Variants in RNF8 observed in about 807,000 individuals in gnomAD.
RNF8 encodes the protein E3 ubiquitin-protein ligase RNF8.
In RNF8, 8 loss-of-function variants were observed where a neutral mutation model predicts 59.3. That is an observed-to-expected ratio of 0.13 (90% CI 0.08 to 0.24). The LOEUF (loss-of-function observed/expected upper bound fraction) is 0.24, where lower values mean the gene tolerates loss of function less well. Among genes scored for constraint, RNF8 ranks in the 10% least tolerant of loss-of-function variants. The pLI, the probability that RNF8 is intolerant of heterozygous loss-of-function variation, is 1.00. For missense variants in RNF8, 406 were observed against 572.6 expected (o/e 0.71, Z 2.97); for synonymous variants, 162 against 200.0 (o/e 0.81, Z 1.60).
At position 37,354,118 on chromosome 6, in the gene RNF8, G is replaced by A. The variant is rs11751749; in HGVS notation, c.-47G>A. ...GATGCACAGAGGCAGCCAGAACCTAGGTCAGGGTCTCGCTCGGTGCTGACC... is the reference window on the plus strand; with the variant it reads ...GATGCACAGAGGCAGCCAGAACCTAAGTCAGGGTCTCGCTCGGTGCTGACC... On this transcript the variant is annotated 5_prime_UTR_variant, in exon 1 of 8. Coordinates refer to ENST00000373479, the MANE Select transcript of RNF8 (RefSeq NM_003958.4). 4.0e-6 allele frequency: 6 copies of A among 1,484,706 alleles called. No individual in the cohort carries two copies. Among genetic ancestry groups the A allele is most frequent in the Non-Finnish European group, 5.5e-6 (6 of 1,085,976 alleles). 92.0% of individuals were successfully genotyped at this position (1,484,706 alleles called of 1,614,324 possible).
Position 37,374,671 on chromosome 6 carries a change from A to G in RNF8, c.1090A>G (p.Ile364Val), listed in dbSNP as rs1266943073. Residue 364 changes from isoleucine (I) to valine (V), a missense_variant, in exon 5 of 8, where the codon ATC becomes GTC. Transcript: ENST00000373479. ...LNRSKKDFEA[I>V]IQAKNKELEQ... is the part of the protein sequence containing the mutation. Reference sequence around the variant, plus strand: ...TCGCAGCAAGAAGGACTTTGAAGCAATCATTCAAGCCAAGAACAAAGAATT... The same window carrying G: ...TCGCAGCAAGAAGGACTTTGAAGCAGTCATTCAAGCCAAGAACAAAGAATT... 2.5e-6 allele frequency: 4 copies of G among 1,614,186 alleles called. No individual in the cohort carries two copies. The highest frequency in any genetic ancestry group is 3.4e-6 in the Non-Finnish European group (4 of 1,180,018).
chr6:37,387,634 G>A (rs983776009), intron 7 of RNF8, among the ~76,000 whole-genome samples: 2 of 152,136 alleles, frequency 1.3e-5, no homozygotes, highest in African/African-American at 2.4e-5. Context: ...GCGCCACCAC[G>A]CCCAGTCCTG....
At chr6:37,368,187 G>T (rs561796364) in intron 2 of RNF8, among the ~76,000 whole-genome samples, 147 of 152,238 alleles carry the variant, frequency 9.7e-4, no homozygotes, top group Admixed American at 1.8e-3. Flanking sequence ...TCCAATTTCA[G>T]TTTCCTTTAA....
rs1385467141 is a variant in RNF8 at position 37,360,640 on chromosome 6, A to G, written c.240+66A>G. The G allele has an allele frequency of 2.3e-6, 3 of 1,306,362 alleles. No homozygotes were observed. Among genetic ancestry groups the G allele is most frequent in the Middle Eastern group, 1.9e-4 (1 of 5,192 alleles). 80.9% of individuals were successfully genotyped at this position (1,306,362 alleles called of 1,614,324 possible). On this transcript the variant is annotated intron_variant, in intron 2 of 7. Transcript: ENST00000373479. This position sits in a 1 kb window ranked among gnomAD's most constrained non-coding sequence, Gnocchi z 4.2. The stretch of plus-strand genomic sequence containing the variant: ...TTAAATTACTTTTTTTTTTTTTTGC[A>G]TAGGTAATTCATGGTATAAAATTCA...
At chr6:37,377,949 A>C (rs2113828458) in intron 6 of RNF8, among the ~76,000 whole-genome samples, 1 of 152,356 alleles carries the variant, frequency 6.6e-6, no homozygotes, top group Middle Eastern at 3.4e-3. Flanking sequence ...AGTTCACCTT[A>C]GACCACAGAT....
intron 5 of RNF8, among the ~76,000 whole-genome samples, chr6:37,375,092 T>C (rs937567315): frequency 3.9e-5 from 6 of 152,218 alleles, no homozygotes; most frequent in African/African-American, 1.4e-4. Context: ...TTTCTTCCCA[T>C]GTCAAATCAG....
intron 6 of RNF8, among the ~76,000 whole-genome samples, chr6:37,379,413 ATATGT>A (rs1770162711): frequency 6.6e-6 from 1 of 152,226 alleles, no homozygotes; most frequent in African/African-American, 2.4e-5. Flanking sequence ...CATTTGAAAA[ATATGT>A]AATATCTGTG....
intron 7 of RNF8, among the ~76,000 whole-genome samples, chr6:37,382,215 C>T (rs1490264492): frequency 6.6e-6 from 1 of 152,138 alleles, no homozygotes; most frequent in Non-Finnish European, 1.5e-5. Context: ...GTGATGAGTT[C>T]CTTATCAGGG....
At chr6:37,358,789 T>C (rs142286999) in intron 1 of RNF8, among the ~76,000 whole-genome samples, 340 of 152,144 alleles carry the variant, frequency 2.2e-3, no homozygotes, top group African/African-American at 7.6e-3. Context: ...AAGAGGTCGT[T>C]TGTGCACTAA....
Position 37,391,446 on chromosome 6 carries a change from A to G in RNF8, c.*688A>G, listed in dbSNP as rs45613533. The G allele has an allele frequency of 0.046, 6,991 of 152,260 alleles. 217 individuals are homozygous for G. The highest frequency in any genetic ancestry group is 0.068 in the Non-Finnish European group (4,609 of 68,070). 9.4% of individuals were successfully genotyped at this position (152,260 alleles called of 1,614,324 possible). ...CTCCTGACTGTCGTGTTTCCTTTTTATTACAGAGGTGGGTCACTGTTTACC... is the reference window on the plus strand; with the variant it reads ...CTCCTGACTGTCGTGTTTCCTTTTTGTTACAGAGGTGGGTCACTGTTTACC... On this transcript the variant is annotated 3_prime_UTR_variant, in exon 8 of 8. Transcript: ENST00000373479.
rs1207632518 is a variant in RNF8 at position 37,387,402 on chromosome 6, A to G, written c.1442-3340A>G. Among the ~76,000 whole-genome samples the G allele has an allele frequency of 6.6e-5, 10 of 152,144 alleles. No individual in the cohort carries two copies. The East Asian group carries it at 1.5e-3, about 23-fold the overall frequency. Reference sequence around the variant, plus strand: ...TGTCACCCAGGCTGAGTGCAGTGGCATGATCTCAGCTCACTGCAAACCTCC... The same window carrying G: ...TGTCACCCAGGCTGAGTGCAGTGGCGTGATCTCAGCTCACTGCAAACCTCC... On this transcript the variant is annotated intron_variant, in intron 7 of 7. Transcript: ENST00000373479.
At chr6:37,356,354 C>G (rs1332402717) in intron 1 of RNF8, among the ~76,000 whole-genome samples, 3 of 152,224 alleles carry the variant, frequency 2.0e-5, no homozygotes, top group African/African-American at 7.2e-5. Context: ...CAAATCATAG[C>G]ACAAGCTGTT....
chr6:37,376,923 C>G lies in RNF8; in HGVS notation c.1129-3C>G, dbSNP rs1221695169. 1.2e-6 allele frequency: 2 copies of G among 1,606,802 alleles called. No individual in the cohort carries two copies. Among genetic ancestry groups the G allele is most frequent in the Non-Finnish European group, 1.7e-6 (2 of 1,173,730 alleles). On this transcript the variant is annotated splice_region_variant and splice_polypyrimidine_tract_variant and intron_variant, in intron 5 of 7. Coordinates refer to ENST00000373479, the MANE Select transcript of RNF8 (RefSeq NM_003958.4). ...ATGACAGGTAGGATTGTGTGTCTTG[C>G]AGGAAGAGAAGGAGAAGATGCAAGC...
In RNF8 at chr6:37,390,764, G is replaced by A. The variant is rs149383616; in HGVS notation, c.*6G>A. On this transcript the variant is annotated 3_prime_UTR_variant, in exon 8 of 8. Coordinates refer to ENST00000373479, the MANE Select transcript of RNF8 (RefSeq NM_003958.4). The stretch of plus-strand genomic sequence containing the variant: ...AAGCAAAGAGATTGTTCTGAAGACC[G>A]TGCTCTAAGGGCATTTGAAAGACTG... 59 of 1,613,702 alleles carry A rather than the reference G, an allele frequency of 3.7e-5. No individual in the cohort carries two copies. The Middle Eastern group carries it at 8.3e-4, about 23-fold the overall frequency.
Position 37,392,274 on chromosome 6 carries a change from T to C in RNF8, c.*1516T>C. 2.5e-6 allele frequency: 1 copy of C among 395,930 alleles called. No homozygotes were observed. Among genetic ancestry groups the C allele is most frequent in the Non-Finnish European group, 4.4e-6 (1 of 224,814 alleles). 24.5% of individuals were successfully genotyped at this position (395,930 alleles called of 1,614,324 possible). A position where few individuals can be genotyped will look rare whatever the true frequency, so the allele number is the denominator to read the frequency against. On this transcript the variant is annotated 3_prime_UTR_variant, in exon 8 of 8. Coordinates refer to ENST00000373479, the MANE Select transcript of RNF8 (RefSeq NM_003958.4). ...TTTCCCCATACATGTGTTTTGTTTATAGATTGCATGGGTATATGTCAATTT... is the reference window on the plus strand; with the variant it reads ...TTTCCCCATACATGTGTTTTGTTTACAGATTGCATGGGTATATGTCAATTT...
intron 1 of RNF8, among the ~76,000 whole-genome samples, chr6:37,355,635 A>C (rs1769084302): frequency 6.6e-6 from 1 of 152,174 alleles, no homozygotes; most frequent in South Asian, 2.1e-4. Flanking sequence ...CACAAATTTA[A>C]TTGCTAGATT....
Position 37,391,154 on chromosome 6 carries a change from T to C in RNF8, c.*396T>C, listed in dbSNP as rs1770717298. 3.4e-6 allele frequency: 1 copy of C among 293,030 alleles called. No homozygotes were observed. The highest frequency in any genetic ancestry group is 6.4e-6 in the Non-Finnish European group (1 of 156,474). 18.2% of individuals were successfully genotyped at this position (293,030 alleles called of 1,614,324 possible). A position where few individuals can be genotyped will look rare whatever the true frequency, so the allele number is the denominator to read the frequency against. ...ACCCCATGGCTGCCTCTGAAGGCAGTGTCTATTTTGAGAGGATGGCTTACC... is the reference window on the plus strand; with the variant it reads ...ACCCCATGGCTGCCTCTGAAGGCAGCGTCTATTTTGAGAGGATGGCTTACC... On this transcript the variant is annotated 3_prime_UTR_variant, in exon 8 of 8. Transcript: ENST00000373479.
intron 3 of RNF8, chr6:37,369,695 C>CA (rs1769718941): frequency 6.5e-6 from 1 of 155,014 alleles, no homozygotes; most frequent in Non-Finnish European, 1.4e-5. Flanking sequence ...TGGTACCTGA[C>CA]AGTTTGTTAG....
chr6:37,382,972 CAAA>C (rs1236176308), intron 7 of RNF8, among the ~76,000 whole-genome samples: 13 of 87,924 alleles, frequency 1.5e-4, no homozygotes, highest in South Asian at 3.6e-4. Context: ...GACTCTGTCT[CAAA>C]AAAAAAAAAA....
Sources: allele counts gnomAD v4.1 joint callset (sites outside exome capture counted in the v4.1 genomes callset), GRCh38; gene constraint gnomAD v4.1.1; non-coding constraint Gnocchi (gnomAD v3.1); transcripts MANE v1.5; gene names NCBI Gene and HGNC (gene_info 2026-07-23, HGNC 2026-07-21).